The following OSBPL9 variants were observed in gnomAD, a reference collection of about 807,000 sequenced individuals.
The protein encoded by OSBPL9 is oxysterol binding protein like 9.
In OSBPL9, 40 loss-of-function variants were observed where a neutral mutation model predicts 106.6. That is an observed-to-expected ratio of 0.38 (90% CI 0.29 to 0.49). The LOEUF (loss-of-function observed/expected upper bound fraction) is 0.49, where lower values mean the gene tolerates loss of function less well. Ranked by LOEUF, OSBPL9 falls within the 20% of genes least tolerant of loss-of-function variation. The pLI is 0.97. For missense variants in OSBPL9, 609 were observed against 887.2 expected (o/e 0.69, Z 3.98); for synonymous variants, 269 against 295.4 (o/e 0.91, Z 0.92).
At chr1:51,526,518 G>A in the OSBPL9 span, among the ~76,000 whole-genome samples, 1 of 152,178 alleles carries the variant, frequency 6.6e-6, no homozygotes. Context: ...TGCAACTGGT[G>A]TGAGAGAACC....
chr1:51,732,366 T>C (rs1406275913), intron 4 of OSBPL9, among the ~76,000 whole-genome samples: 1 of 152,188 alleles, frequency 6.6e-6, no homozygotes, highest in African/African-American at 2.4e-5. Context: ...ATGATTCTTA[T>C]ATAGAAAAAA....
rs113738844 is a variant in OSBPL9 at position 51,625,527 on chromosome 1, C to CT, written c.111+8319dup. ...AATTGTAAAGGATTATCTTCTTCTT[C>CT]TTTTTTTTTTTTTAATGGGGTACTG... On this transcript the variant is annotated intron_variant, in intron 1 of 23. Transcript: ENST00000428468. 8.1e-3 allele frequency among the ~76,000 whole-genome samples: 1,156 copies of CT among 142,018 alleles called. 2 individuals are homozygous for CT. The highest frequency in any genetic ancestry group is 0.022 in the African/African-American group (842 of 38,652). 93.2% of individuals were successfully genotyped at this position (142,018 alleles called of 152,430 possible). A position where few individuals can be genotyped will look rare whatever the true frequency, so the allele number is the denominator to read the frequency against.
chr1:51,544,346 G>C, the OSBPL9 span, among the ~76,000 whole-genome samples: 1 of 151,614 alleles, frequency 6.6e-6, no homozygotes, highest in African/African-American at 2.4e-5. Flanking sequence ...CTGAATCTCT[G>C]AAGGAAAAAA....
At chr1:51,630,840 T>C (rs1645062942) in intron 1 of OSBPL9, among the ~76,000 whole-genome samples, 1 of 152,246 alleles carries the variant, frequency 6.6e-6, no homozygotes, top group Non-Finnish European at 1.5e-5. Context: ...CACAAGCACA[T>C]TGTACAGCTG....
chr1:51,669,349 C>CA, intron 2 of OSBPL9, 85 bp from the exon 3 acceptor site: 1 of 1,091,938 alleles, frequency 9.2e-7, no homozygotes, highest in Admixed American at 2.0e-5. Context: ...GTCGTTGGTG[C>CA]ATTGAGTATT....
intron 6 of OSBPL9, among the ~76,000 whole-genome samples, chr1:51,747,275 T>TA (rs1252474843): frequency 6.6e-6 from 1 of 152,226 alleles, no homozygotes; most frequent in African/African-American, 2.4e-5. Flanking sequence ...CCCAGAGTTT[T>TA]AATATAATAC....
intron 1 of OSBPL9, among the ~76,000 whole-genome samples, chr1:51,639,577 A>G (rs1645646877): frequency 6.6e-6 from 1 of 152,206 alleles, no homozygotes; most frequent in South Asian, 2.1e-4. Context: ...GTGATGAGAC[A>G]TGCACATACG....
intron 1 of OSBPL9, among the ~76,000 whole-genome samples, chr1:51,586,443 T>C (rs966239542): frequency 2.0e-5 from 3 of 152,214 alleles, no homozygotes; most frequent in Admixed American, 6.5e-5. Flanking sequence ...TTTACTAAAT[T>C]GAGCCCTTAC....
In OSBPL9 at chr1:51,729,625, C is replaced by T; in HGVS notation, c.318+15546C>T. 1 of 237,852 alleles carries T rather than the reference C, an allele frequency of 4.2e-6. No individual in the cohort carries two copies. The highest frequency in any genetic ancestry group is 2.2e-5 in the African/African-American group (1 of 44,506). 14.7% of individuals were successfully genotyped at this position (237,852 alleles called of 1,614,324 possible). ...GGACGCCCTCCCGCCGCTGCGCACC[C>T]CTCCCGCGAGCTGCCAGCTCCCTCG... On this transcript the variant is annotated intron_variant, in intron 4 of 23. Coordinates refer to ENST00000428468, the MANE Select transcript of OSBPL9 (RefSeq NM_024586.6). This position sits in a 1 kb window ranked among gnomAD's most constrained non-coding sequence, Gnocchi z 5.1.
At position 51,609,058 on chromosome 1, in the gene OSBPL9, C is replaced by G. The variant is rs1336022599; in HGVS notation, c.-352-5247C>G. Among the ~76,000 whole-genome samples the G allele has an allele frequency of 2.0e-5, 3 of 152,050 alleles. No homozygotes were observed. In the East Asian group the frequency reaches 5.8e-4, roughly 29 times the overall value. ...TTCTATGACCTCCCCTTCCCCCTTC[C>G]TATCTGTTAATGACCTAATTCATAT... On this transcript the variant is annotated intron_variant, in intron 2 of 25. Transcript: ENST00000371714.
At chr1:51,589,672 G>T (rs1482657957) in intron 1 of OSBPL9, among the ~76,000 whole-genome samples, 6 of 151,848 alleles carry the variant, frequency 4.0e-5, no homozygotes, top group Non-Finnish European at 5.9e-5. Context: ...CCTGAGATGG[G>T]GTTGAAGTCT....
chr1:51,751,759 G>T (rs922048749), intron 8 of OSBPL9, among the ~76,000 whole-genome samples: 2 of 152,138 alleles, frequency 1.3e-5, no homozygotes, highest in African/African-American at 2.4e-5. Context: ...AATCATTCAG[G>T]ACTTTAGATA....
intron 2 of OSBPL9, among the ~76,000 whole-genome samples, chr1:51,658,712 C>T (rs1646963461): frequency 6.6e-6 from 1 of 151,996 alleles, no homozygotes; most frequent in African/African-American, 2.4e-5. Context: ...TCAGTAATGA[C>T]TTCTGTTAGT....
chr1:51,765,757 A>T, intron 11 of OSBPL9, 65 bp from the exon 12 acceptor site: 2 of 1,404,530 alleles, frequency 1.4e-6, no homozygotes, highest in Non-Finnish European at 1.9e-6. Flanking sequence ...GTCTGCTTTG[A>T]CTCCATCTCC....
intron 17 of OSBPL9, 107 bp downstream of exon 17, chr1:51,782,750 G>A (rs1364009084): frequency 2.2e-6 from 2 of 903,788 alleles, no homozygotes; most frequent in Non-Finnish European, 3.3e-6. Flanking sequence ...GTGACTAGCT[G>A]TGTGTTTCTT....
At chr1:51,707,809 CTAAG>C (rs967866815) in intron 3 of OSBPL9, 4 of 174,500 alleles carry the variant, frequency 2.3e-5, no homozygotes, top group African/African-American at 7.1e-5. Flanking sequence ...GCTCTCCCCT[CTAAG>C]TGAGTCCCAG....
At chr1:51,686,999 A>G (rs1653951074) in intron 3 of OSBPL9, among the ~76,000 whole-genome samples, 1 of 152,212 alleles carries the variant, frequency 6.6e-6, no homozygotes, top group Admixed American at 6.5e-5. Context: ...AAGTGTTGTG[A>G]GATTAGAGAA....
intron 3 of OSBPL9, among the ~76,000 whole-genome samples, chr1:51,697,846 T>C (rs1444331850): frequency 2.7e-5 from 4 of 150,894 alleles, no homozygotes; most frequent in African/African-American, 9.8e-5. Context: ...ATTGTTTCCA[T>C]ATAAACCAGG....
intron 2 of OSBPL9, among the ~76,000 whole-genome samples, chr1:51,600,542 T>C (rs1218803784): frequency 1.3e-5 from 2 of 152,202 alleles, no homozygotes; most frequent in Non-Finnish European, 2.9e-5. Flanking sequence ...TTTCTTCTGG[T>C]TTTAAAAGAA....
Sources: allele counts gnomAD v4.1 joint callset (sites outside exome capture counted in the v4.1 genomes callset), GRCh38; gene constraint gnomAD v4.1.1; non-coding constraint Gnocchi (gnomAD v3.1); transcripts MANE v1.5; gene names NCBI Gene and HGNC (gene_info 2026-07-23, HGNC 2026-07-21).